LRRC4C: variants seen among roughly 807,000 people sequenced by gnomAD.
The protein encoded by LRRC4C is leucine-rich repeat-containing protein 4C.
LRRC4C carries 5 observed loss-of-function variants against 33.6 expected under a neutral mutation model. The ratio of observed to expected loss-of-function variants is 0.15; its 90% CI spans 0.08 to 0.31. The LOEUF is 0.31. LRRC4C is among the 10% of genes least tolerant of loss of function. The probability of loss-of-function intolerance (pLI) is 1.00; values close to 1 mark genes in which losing one functional copy is unlikely to be tolerated. For missense variants in LRRC4C, 560 were observed against 796.7 expected (o/e 0.70, Z 3.58); for synonymous variants, 329 against 302.0 (o/e 1.09, Z -0.93).
chr11:40,894,627 G>T (rs1257896202), intron 2 of LRRC4C, among the ~76,000 whole-genome samples: 2 of 152,120 alleles, frequency 1.3e-5, no homozygotes, highest in Non-Finnish European at 2.9e-5. Flanking sequence ...AACAGAAATA[G>T]ATCAAAATGC....
At chr11:40,754,808 CA>C (rs1454721955) in intron 2 of LRRC4C, among the ~76,000 whole-genome samples, 5 of 151,872 alleles carry the variant, frequency 3.3e-5, no homozygotes, top group Admixed American at 1.3e-4. Flanking sequence ...ATCATGCTCA[CA>C]TTTTTTCCCC....
intron 2 of LRRC4C, among the ~76,000 whole-genome samples, chr11:40,846,050 T>C (rs1281142024): frequency 6.6e-6 from 1 of 151,792 alleles, no homozygotes; most frequent in African/African-American, 2.4e-5. Flanking sequence ...GTAAATTTGT[T>C]TGAGTTCCTT....
intron 2 of LRRC4C, among the ~76,000 whole-genome samples, chr11:40,761,867 G>T (rs1354017832): frequency 2.6e-5 from 4 of 152,086 alleles, no homozygotes; most frequent in African/African-American, 9.7e-5. Context: ...AGAGTTGGAA[G>T]GATTTGCAGA....
At chr11:41,146,031 A>T (rs1039632427) in intron 1 of LRRC4C, among the ~76,000 whole-genome samples, 49 of 152,226 alleles carry the variant, frequency 3.2e-4, no homozygotes, top group Admixed American at 9.8e-4. Context: ...CAGGAAAACC[A>T]ACATTACAGA....
chr11:40,863,688 C>T (rs1486254033), intron 2 of LRRC4C, among the ~76,000 whole-genome samples: 1 of 152,118 alleles, frequency 6.6e-6, no homozygotes, highest in Non-Finnish European at 1.5e-5. Context: ...GCAAATCTGA[C>T]AGAAGAATAA....
intron 2 of LRRC4C, among the ~76,000 whole-genome samples, chr11:40,804,997 A>G (rs1951185230): frequency 1.3e-5 from 2 of 152,300 alleles, no homozygotes; most frequent in South Asian, 4.1e-4. Context: ...CCCAGTGTCC[A>G]GCTCACCTTT....
chr11:41,273,039 T>A (rs10837608), intron 1 of LRRC4C, among the ~76,000 whole-genome samples: 27,760 of 152,074 alleles, frequency 0.18, 3,122 homozygotes, highest in East Asian at 0.44. Flanking sequence ...TTTGGTGTCA[T>A]ATAGCTCATA....
chr11:40,991,079 CAAA>C (rs199778124), intron 1 of LRRC4C, among the ~76,000 whole-genome samples: 5 of 124,810 alleles, frequency 4.0e-5, no homozygotes, highest in Non-Finnish European at 5.0e-5. Flanking sequence ...GAGTCTATTA[CAAA>C]AAAAAAAAAA....
intron 1 of LRRC4C, among the ~76,000 whole-genome samples, chr11:41,049,776 A>G (rs997398729): frequency 1.3e-5 from 2 of 152,184 alleles, no homozygotes; most frequent in Non-Finnish European, 2.9e-5. Flanking sequence ...TCCAGAAACT[A>G]TGATTGGGGG....
chr11:40,759,255 T>C (rs1370185284), intron 2 of LRRC4C, among the ~76,000 whole-genome samples: 1 of 147,792 alleles, frequency 6.8e-6, no homozygotes, highest in Non-Finnish European at 1.5e-5. Flanking sequence ...TATGTACTTC[T>C]TCCATATATA....
At chr11:40,500,542 C>G (rs375158560) in intron 3 of LRRC4C, among the ~76,000 whole-genome samples, 1 of 151,770 alleles carries the variant, frequency 6.6e-6, no homozygotes, top group South Asian at 2.1e-4. Flanking sequence ...GCAAAAGGCA[C>G]GTTTAACATG....
chr11:41,008,997 C>A (rs1242617984), intron 1 of LRRC4C, among the ~76,000 whole-genome samples: 1 of 151,714 alleles, frequency 6.6e-6, no homozygotes, highest in Non-Finnish European at 1.5e-5. Context: ...AAAATCTCAA[C>A]AGAAAGTAGA....
intron 1 of LRRC4C, among the ~76,000 whole-genome samples, chr11:41,171,267 G>A (rs1055328237): frequency 1.3e-5 from 2 of 152,078 alleles, no homozygotes; most frequent in African/African-American, 4.8e-5. Flanking sequence ...TATACCCAAA[G>A]GATTGTAAAT....
In LRRC4C at chr11:41,043,068, CTTTTTTTTTTTT is replaced by C. The variant is rs67605827; in HGVS notation, c.-495-109357_-495-109346del. On this transcript the variant is annotated intron_variant, in intron 1 of 6. Transcript: ENST00000528697. The stretch of plus-strand genomic sequence containing the variant: ...TCCAAAATGATTATACAGAATAGAC[CTTTTTTTTTTTT>C]TTTTTTTTTTTTGCATGACGAGGAA... 5.3e-5 allele frequency among the ~76,000 whole-genome samples: 4 copies of C among 75,822 alleles called. 1 individual carries two copies. Among genetic ancestry groups the C allele is most frequent in the African/African-American group, 2.0e-4 (4 of 19,812 alleles). The allele number at this position is 75,822 out of a possible 152,430, so 49.7% of individuals were successfully genotyped here.
intron 1 of LRRC4C, among the ~76,000 whole-genome samples, chr11:41,120,927 A>C (rs1942392401): frequency 6.6e-6 from 1 of 152,056 alleles, no homozygotes; most frequent in Non-Finnish European, 1.5e-5. Context: ...CTGCCCTGGT[A>C]AGATGTGCTT....
intron 1 of LRRC4C, among the ~76,000 whole-genome samples, chr11:41,026,594 A>T (rs763859493): frequency 2.6e-5 from 4 of 151,562 alleles, no homozygotes; most frequent in Non-Finnish European, 4.4e-5. Context: ...CATGCCACCG[A>T]GAAATCTTTC....
At chr11:40,445,188 G>A (rs1176232490) in intron 3 of LRRC4C, 2 of 152,182 alleles carry the variant, frequency 1.3e-5, no homozygotes, top group Non-Finnish European at 2.9e-5. Context: ...ATAGCAGACT[G>A]AGAAATGCAA....
At chr11:40,630,418 CTTCTT>C (rs1439751858) in intron 3 of LRRC4C, among the ~76,000 whole-genome samples, 1 of 119,846 alleles carries the variant, frequency 8.3e-6, no homozygotes, top group Non-Finnish European at 1.8e-5. Flanking sequence ...TCCTCTTCTT[CTTCTT>C]TTTTTTTTTT....
chr11:40,439,656 C>A (rs1021356698), intron 3 of LRRC4C, among the ~76,000 whole-genome samples: 5 of 151,632 alleles, frequency 3.3e-5, no homozygotes, highest in Admixed American at 3.3e-4. Context: ...GTTTCACCAC[C>A]TTGGCCAGGC....
Sources: gnomAD v4.1 joint callset for allele counts (sites outside exome capture counted in the v4.1 genomes callset) on GRCh38, gnomAD v4.1.1 for gene constraint, MANE v1.5 for transcripts, NCBI Gene and HGNC (gene_info 2026-07-23, HGNC 2026-07-21) for gene names.